The following ZNF141 variants were observed in gnomAD, a reference collection of about 807,000 sequenced individuals.
The protein encoded by ZNF141 is zinc finger protein 141 (clone pHZ-44).
In ZNF141, 7 loss-of-function variants were observed where a neutral mutation model predicts 11.3. The ratio of observed to expected loss-of-function variants is 0.62; its 90% CI spans 0.35 to 1.16. The LOEUF (loss-of-function observed/expected upper bound fraction) is 1.16, where lower values mean the gene tolerates loss of function less well. ZNF141 is among the 50% of genes most tolerant of loss of function. The probability of loss-of-function intolerance (pLI) is 0.02; values close to 1 mark genes in which losing one functional copy is unlikely to be tolerated. For missense variants in ZNF141, 535 were observed against 554.0 expected (o/e 0.97, Z 0.34); for synonymous variants, 183 against 190.7 (o/e 0.96, Z 0.33).
chr4:345,316 T>C (rs1184424654), intron 3 of ZNF141, among the ~76,000 whole-genome samples: 9 of 152,220 alleles, frequency 5.9e-5, no homozygotes, highest in African/African-American at 2.2e-4. Flanking sequence ...TAATGTTATT[T>C]TACTTCAAAA....
chr4:373,198 C>T lies in ZNF141; in HGVS notation c.761C>T (p.Pro254Leu). ...AAAATAATTCATACTGGAGAAAAAC[C>T]CTATAAATGTGAAGAATGTGGCAAA... is the stretch of plus-strand genomic sequence containing the variant. ...KHKIIHTGEK[P>L]YKCEECGKAF... Residue 254 changes from proline (P) to leucine (L), a missense_variant, in exon 4 of 4, where the codon CCC (proline) becomes CTC (leucine). By Grantham distance (98) the Pro-to-Leu change is moderately conservative (BLOSUM62 -3). Coordinates refer to ENST00000240499, the MANE Select transcript of ZNF141 (RefSeq NM_003441.4). 2 of 1,613,768 alleles carry T rather than the reference C, an allele frequency of 1.2e-6. No homozygotes were observed. Among genetic ancestry groups the T allele is most frequent in the Non-Finnish European group, 1.7e-6 (2 of 1,179,986 alleles).
intron 3 of ZNF141, among the ~76,000 whole-genome samples, chr4:353,872 T>C (rs1038934603): frequency 1.3e-5 from 2 of 152,056 alleles, no homozygotes; most frequent in Non-Finnish European, 2.9e-5. Flanking sequence ...GAGGGCAGAC[T>C]CTTCTCTCCA....
At position 377,503 on chromosome 4, in the gene ZNF141, T is replaced by C. The variant is rs544152336; in HGVS notation, c.*3641T>C. ...TATCTTTATGATTTATCCCCAGCTA[T>C]GTATGCCTCAGAGCCTTTCTTCATT... On this transcript the variant is annotated 3_prime_UTR_variant, in exon 4 of 4. Coordinates refer to ENST00000240499, the MANE Select transcript of ZNF141 (RefSeq NM_003441.4). Among the ~76,000 whole-genome samples, 28 of 152,366 alleles carry C rather than the reference T, an allele frequency of 1.8e-4. No individual in the cohort carries two copies. The East Asian group carries it at 5.4e-3, about 29-fold the overall frequency.
In ZNF141 at chr4:380,836, T is replaced by C. The variant is rs577118961; in HGVS notation, c.*6974T>C. Among the ~76,000 whole-genome samples, 4 of 152,154 alleles carry C rather than the reference T, an allele frequency of 2.6e-5. No homozygotes were observed. Among genetic ancestry groups the C allele is most frequent in the Non-Finnish European group, 5.9e-5 (4 of 68,018 alleles). On this transcript the variant is annotated 3_prime_UTR_variant, in exon 4 of 4. Coordinates refer to ENST00000240499, the MANE Select transcript of ZNF141 (RefSeq NM_003441.4). Reference sequence around the variant, plus strand: ...TCTTCAGACACAAAATACATGATTATCTTAAACACATTCTTAATAAAAATT... The same window carrying C: ...TCTTCAGACACAAAATACATGATTACCTTAAACACATTCTTAATAAAAATT...
At chr4:345,233 A>G (rs1223171595) in intron 3 of ZNF141, among the ~76,000 whole-genome samples, 2 of 152,180 alleles carry the variant, frequency 1.3e-5, no homozygotes, top group East Asian at 1.9e-4. Context: ...GGAGGCTGCA[A>G]ATGTAATTCT....
chr4:369,750 A>ATTTT (rs1560196716), intron 3 of ZNF141, among the ~76,000 whole-genome samples: 2 of 35,194 alleles, frequency 5.7e-5, no homozygotes, highest in African/African-American at 2.7e-4. Context: ...ATATATATAT[A>ATTTT]TATATATATA....
Position 372,692 on chromosome 4 carries a change from T to C in ZNF141, c.255T>C (p.His85=), listed in dbSNP as rs782574850. Residue 85 remains histidine (H), a synonymous_variant, in exon 4 of 4, where the codon CAT becomes CAC. Coordinates refer to ENST00000240499, the MANE Select transcript of ZNF141 (RefSeq NM_003441.4). ...PAMCSHFTQD[H]WPVQGIEDSF... is the part of the protein sequence containing the mutation. Reference sequence around the variant, plus strand: ...TGTGTTCTCATTTCACCCAAGACCATTGGCCAGTGCAGGGCATAGAAGATT... The same window carrying C: ...TGTGTTCTCATTTCACCCAAGACCACTGGCCAGTGCAGGGCATAGAAGATT... 7.0e-6 allele frequency: 11 copies of C among 1,562,102 alleles called. No individual in the cohort carries two copies. The highest frequency in any genetic ancestry group is 1.7e-4 in the Middle Eastern group (1 of 5,834).
chr4:364,612 C>A (rs528629833), intron 3 of ZNF141, among the ~76,000 whole-genome samples: 1 of 152,158 alleles, frequency 6.6e-6, no homozygotes, highest in African/African-American at 2.4e-5. Context: ...ATTACTCTTG[C>A]TAGAGTCCAC....
At chr4:369,874 C>G (rs1437560564) in intron 3 of ZNF141, among the ~76,000 whole-genome samples, 1 of 148,512 alleles carries the variant, frequency 6.7e-6, no homozygotes, top group Non-Finnish European at 1.5e-5. Context: ...TCAAGCGATT[C>G]TCCTGCCTCA....
chr4:380,175 C>A lies in ZNF141; in HGVS notation c.*6313C>A, dbSNP rs187328127. 1.3e-5 allele frequency among the ~76,000 whole-genome samples: 2 copies of A among 152,122 alleles called. No homozygotes were observed. Among genetic ancestry groups the A allele is most frequent in the Non-Finnish European group, 2.9e-5 (2 of 68,022 alleles). ...AATGAAAAGATTTCCTCCCTTTTAA[C>A]GTTGAATTGTATTTCCTTGTGTATA... On this transcript the variant is annotated 3_prime_UTR_variant, in exon 4 of 4. Coordinates refer to ENST00000240499, the MANE Select transcript of ZNF141 (RefSeq NM_003441.4).
Position 381,984 on chromosome 4 carries a change from C to T in ZNF141, c.*8122C>T, listed in dbSNP as rs565193286. Among the ~76,000 whole-genome samples, 7 of 117,166 alleles carry T rather than the reference C, an allele frequency of 6.0e-5. No homozygotes were observed. The South Asian group carries it at 8.2e-4, about 14-fold the overall frequency. The allele number at this position is 117,166 out of a possible 152,430, so 76.9% of individuals were successfully genotyped here. ...TTTTTTTGAGACGGAGTCTCACTCT[C>T]GCCCAGGCTGGAGTGCAGTGGCTCG... On this transcript the variant is annotated 3_prime_UTR_variant, in exon 4 of 4. Coordinates refer to ENST00000240499, the MANE Select transcript of ZNF141 (RefSeq NM_003441.4).
At chr4:368,276 A>C (rs1270877280) in intron 3 of ZNF141, among the ~76,000 whole-genome samples, 1 of 151,920 alleles carries the variant, frequency 6.6e-6, no homozygotes, top group Non-Finnish European at 1.5e-5. Flanking sequence ...TTGCTCTGTC[A>C]CCCAGTCAGA....
rs1712639500 is a variant in ZNF141, at chr4:381,946, C to CTTTTTTTTTTTTTTTTGTTTTTTT, written c.*8100_*8101insGTTTTTTTTTTTTTTTTTTTTTTT. On this transcript the variant is annotated 3_prime_UTR_variant, in exon 4 of 4. Coordinates refer to ENST00000240499, the MANE Select transcript of ZNF141 (RefSeq NM_003441.4). ...CTAGGGCCACCACCATCTCTGGGAA[C>CTTTTTTTTTTTTTTTTGTTTTTTT]TTTTTTTTTTTTTTTTTTTGAGACG... Among the ~76,000 whole-genome samples, 1 of 105,938 alleles carries CTTTTTTTTTTTTTTTTGTTTTTTT rather than the reference C, an allele frequency of 9.4e-6. No homozygotes were observed. The highest frequency in any genetic ancestry group is 4.5e-5 in the African/African-American group (1 of 22,412). 69.5% of individuals were successfully genotyped at this position (105,938 alleles called of 152,430 possible). A position where few individuals can be genotyped will look rare whatever the true frequency, so the allele number is the denominator to read the frequency against.
At chr4:343,103 A>T (rs1218578127) in intron 1 of ZNF141, 1 of 591,082 alleles carries the variant, frequency 1.7e-6, no homozygotes, top group Non-Finnish European at 2.9e-6. Flanking sequence ...AAAAGTCCTT[A>T]TGTTTTAAAA....
intron 3 of ZNF141, among the ~76,000 whole-genome samples, chr4:366,517 T>G (rs942656694): frequency 1.1e-4 from 17 of 152,158 alleles, no homozygotes; most frequent in Non-Finnish European, 2.4e-4. Flanking sequence ...TTGGTCAGGC[T>G]GCTCTCGAAC....
rs1553848709 is a variant in ZNF141 at position 342,732 on chromosome 4, C to G, written c.4-1050C>G. The stretch of plus-strand genomic sequence containing the variant: ...CTGCCCACAGATCCTGTCCATTGTT[C>G]TGGGTGAAAAGTCCTTATTTATTTT... On this transcript the variant is annotated intron_variant, in intron 1 of 3. Transcript: ENST00000240499. The G allele has an allele frequency of 1.0e-5, 13 of 1,245,724 alleles. No individual in the cohort carries two copies. In the Admixed American group the frequency reaches 1.6e-4, roughly 15 times the overall value. The allele number at this position is 1,245,724 out of a possible 1,614,324, so 77.2% of individuals were successfully genotyped here. A position where few individuals can be genotyped will look rare whatever the true frequency, so the allele number is the denominator to read the frequency against.
chr4:348,721 TC>T (rs1446930934), intron 3 of ZNF141, among the ~76,000 whole-genome samples: 1 of 145,074 alleles, frequency 6.9e-6, no homozygotes, highest in Admixed American at 7.0e-5. Context: ...AGAGCTGGAC[TC>T]CATCTCAAAA....
chr4:380,575 C>T lies in ZNF141; in HGVS notation c.*6713C>T, dbSNP rs1184818712. On this transcript the variant is annotated 3_prime_UTR_variant, in exon 4 of 4. Transcript: ENST00000240499. ...GTTGAGGCAGGAGAATCAGTTGAAC[C>T]TGGGAGGTGGAGATTGCAGTGAGCC... is the stretch of plus-strand genomic sequence containing the variant. Among the ~76,000 whole-genome samples the T allele has an allele frequency of 1.3e-5, 2 of 152,000 alleles. No homozygotes were observed. Among genetic ancestry groups the T allele is most frequent in the Non-Finnish European group, 2.9e-5 (2 of 68,014 alleles).
At position 373,175 on chromosome 4, in the gene ZNF141, A is replaced by G. The variant is rs782744056; in HGVS notation, c.738A>G (p.Lys246=). ...CATCCTCACACTTTGCTAAGCATAAAATAATTCATACTGGAGAAAAACCCT... is the reference window on the plus strand; with the variant it reads ...CATCCTCACACTTTGCTAAGCATAAGATAATTCATACTGGAGAAAAACCCT... The part of the protein sequence containing the change: ...FTTSSHFAKH[K]IIHTGEKPYK... Residue 246 remains lysine, a synonymous_variant, in exon 4 of 4, where the codon AAA becomes AAG. Coordinates refer to ENST00000240499, the MANE Select transcript of ZNF141 (RefSeq NM_003441.4). 1 of 1,613,770 alleles carries G rather than the reference A, an allele frequency of 6.2e-7. No individual in the cohort carries two copies. The highest frequency in any genetic ancestry group is 8.5e-7 in the Non-Finnish European group (1 of 1,179,946).
Sources: gnomAD v4.1 joint callset for allele counts (sites outside exome capture counted in the v4.1 genomes callset) on GRCh38, gnomAD v4.1.1 for gene constraint, MANE v1.5 for transcripts, NCBI Gene and HGNC (gene_info 2026-07-23, HGNC 2026-07-21) for gene names.